PDE10A: variants seen among roughly 807,000 people sequenced by gnomAD.
The protein encoded by PDE10A is cAMP and cAMP-inhibited cGMP 3',5'-cyclic phosphodiesterase 10A.
In PDE10A, 39 loss-of-function variants were observed where a neutral mutation model predicts 97.7. The ratio of observed to expected loss-of-function variants is 0.40; its 90% CI spans 0.31 to 0.52. PDE10A has a LOEUF of 0.52. Among genes scored for constraint, PDE10A ranks in the 20% least tolerant of loss-of-function variants. The probability of loss-of-function intolerance (pLI) is 0.56; values close to 1 mark genes in which losing one functional copy is unlikely to be tolerated. For missense variants in PDE10A, 731 were observed against 1,047.8 expected (o/e 0.70, Z 4.17); for synonymous variants, 371 against 376.8 (o/e 0.98, Z 0.18).
rs1323010025 is a variant in PDE10A at position 165,987,816 on chromosome 6, G to T, written c.-902C>A. 1.1e-5 allele frequency: 5 copies of T among 438,310 alleles called. No individual in the cohort carries two copies. In the East Asian group the frequency reaches 3.6e-4, roughly 31 times the overall value. The allele number at this position is 438,310 out of a possible 1,614,324, so 27.2% of individuals were successfully genotyped here. The stretch of plus-strand genomic sequence containing the variant: ...CTTCTCGCAAAAGGCGAGTGTGTGG[G>T]GTTCCTCCTTCCCTCCTTTCCATCT... On this transcript the variant is annotated 5_prime_UTR_variant, in exon 1 of 20. Transcript: ENST00000366882.
chr6:165,516,572 C>A (rs16897954), intron 2 of PDE10A, among the ~76,000 whole-genome samples: 7,189 of 152,184 alleles, frequency 0.047, 347 homozygotes, highest in East Asian at 0.23. Flanking sequence ...ATCTGACACC[C>A]TCTCACATGT....
At chr6:165,398,621 T>C (rs1193253496) in intron 13 of PDE10A, among the ~76,000 whole-genome samples, 1 of 152,226 alleles carries the variant, frequency 6.6e-6, no homozygotes, top group Non-Finnish European at 1.5e-5. Flanking sequence ...TGTCAATCAG[T>C]TGACCCTGCA....
chr6:165,482,731 C>T (rs956044152), intron 2 of PDE10A, among the ~76,000 whole-genome samples: 3 of 152,152 alleles, frequency 2.0e-5, no homozygotes, highest in South Asian at 2.1e-4. Context: ...ACTCGTGCTT[C>T]GAAGGTTAGT....
At chr6:165,850,582 TTC>T (rs1332676022) in intron 1 of PDE10A, among the ~76,000 whole-genome samples, 1 of 152,138 alleles carries the variant, frequency 6.6e-6, no homozygotes, top group African/African-American at 2.4e-5. Context: ...GTAGGATCCA[TTC>T]TGTTTTACAA....
intron 1 of PDE10A, among the ~76,000 whole-genome samples, chr6:165,885,693 C>T (rs1781612453): frequency 3.9e-5 from 6 of 152,194 alleles, no homozygotes. Flanking sequence ...GTCTAAAGCT[C>T]CTGGGCAGAT....
intron 1 of PDE10A, among the ~76,000 whole-genome samples, chr6:165,867,595 C>T (rs1314081189): frequency 6.6e-6 from 1 of 152,116 alleles, no homozygotes; most frequent in Non-Finnish European, 1.5e-5. Context: ...TTCTACATCT[C>T]GCTCTCAGCA....
chr6:165,765,376 A>G (rs6456010), intron 1 of PDE10A, among the ~76,000 whole-genome samples: 2 of 137,352 alleles, frequency 1.5e-5, no homozygotes, highest in Non-Finnish European at 3.3e-5. Context: ...ACAGGAGCCC[A>G]CGGAGGCGGG....
intron 1 of PDE10A, chr6:165,660,016 G>A (rs1315355683): frequency 6.6e-6 from 1 of 152,282 alleles, no homozygotes; most frequent in African/African-American, 2.4e-5. Context: ...AGAGCAGCTT[G>A]TCACTGCAAG....
intron 2 of PDE10A, among the ~76,000 whole-genome samples, chr6:165,542,000 CCAT>C (rs1400671370): frequency 6.6e-6 from 1 of 152,122 alleles, no homozygotes; most frequent in Non-Finnish European, 1.5e-5. Context: ...ACTTCTAACA[CCAT>C]AACATTTTAA....
chr6:165,655,865 C>T lies in PDE10A; in HGVS notation c.865+6082G>A, dbSNP rs994213293. 6.6e-6 allele frequency among the ~76,000 whole-genome samples: 1 copy of T among 152,122 alleles called. No individual in the cohort carries two copies. The highest frequency in any genetic ancestry group is 2.1e-4 in the South Asian group (1 of 4,820). On this transcript the variant is annotated intron_variant, in intron 1 of 21. Transcript: ENST00000539869. The surrounding 1 kb of genome is among the most constrained non-coding windows in gnomAD (Gnocchi z 4.5). ...GGGCTCAGCTCCAGCACGGCCGTCA[C>T]CCCGCTCCTCTGCCTTGTGAGCCCC...
chr6:165,462,752 C>G (rs1778402709), intron 3 of PDE10A, among the ~76,000 whole-genome samples: 1 of 152,190 alleles, frequency 6.6e-6, no homozygotes, highest in Admixed American at 6.5e-5. Context: ...TTAATGGTAG[C>G]TATGATAGCA....
At chr6:165,619,241 G>GTGTAGTCTA (rs879730313) in intron 1 of PDE10A, among the ~76,000 whole-genome samples, 1 of 109,706 alleles carries the variant, frequency 9.1e-6, no homozygotes, top group Non-Finnish European at 1.8e-5. Context: ...AGACTAGTGT[G>GTGTAGTCTA]GTGTAGTGTA....
At chr6:165,530,441 A>C (rs2128314163) in intron 2 of PDE10A, among the ~76,000 whole-genome samples, 1 of 152,182 alleles carries the variant, frequency 6.6e-6, no homozygotes, top group Non-Finnish European at 1.5e-5. Context: ...CCAACAAGCG[A>C]AAAACAAATA....
rs1410617638 is a variant in PDE10A, at chr6:165,854,769, C to T, written c.-615+132760G>A. On this transcript the variant is annotated intron_variant, in intron 1 of 19. Transcript: ENST00000366882. Reference sequence around the variant, plus strand: ...GGGTCCGGGAGGAGGGCAGCTGCCCCGGGCAGAGCGACTGGAGGAGCGCAG... The same window carrying T: ...GGGTCCGGGAGGAGGGCAGCTGCCCTGGGCAGAGCGACTGGAGGAGCGCAG... Among the ~76,000 whole-genome samples, 3 of 152,292 alleles carry T rather than the reference C, an allele frequency of 2.0e-5. No individual in the cohort carries two copies. The South Asian group carries it at 6.2e-4, about 32-fold the overall frequency.
Position 165,448,881 on chromosome 6 carries a change from T to C in PDE10A, c.1194+47A>G, listed in dbSNP as rs369748244. 244 of 1,148,496 alleles carry C rather than the reference T, an allele frequency of 2.1e-4. 3 individuals carry two copies. The South Asian group carries it at 3.0e-3, about 14-fold the overall frequency. 71.1% of individuals were successfully genotyped at this position (1,148,496 alleles called of 1,614,324 possible). On this transcript the variant is annotated intron_variant, in intron 5 of 21. Transcript: ENST00000539869. The stretch of plus-strand genomic sequence containing the variant: ...TTTATAACTTTTTTAAAGGAGCTTA[T>C]GATATTTTCTTATCTAGAGCACCAA...
At chr6:165,705,970 C>G (rs1342812580) in intron 1 of PDE10A, among the ~76,000 whole-genome samples, 1 of 152,206 alleles carries the variant, frequency 6.6e-6, no homozygotes, top group Non-Finnish European at 1.5e-5. Flanking sequence ...GGGACAGTGA[C>G]ATGCACATCC....
At chr6:165,964,619 G>A (rs756067043) in intron 1 of PDE10A, among the ~76,000 whole-genome samples, 3 of 152,138 alleles carry the variant, frequency 2.0e-5, no homozygotes, top group Non-Finnish European at 4.4e-5. Context: ...ATGTGCCAGC[G>A]AGCGTCCTAG....
chr6:165,349,789 G>T (rs572164591), intron 18 of PDE10A, among the ~76,000 whole-genome samples: 2 of 152,290 alleles, frequency 1.3e-5, no homozygotes, highest in African/African-American at 4.8e-5. Flanking sequence ...CAGTGGTGAC[G>T]AAAAGGGGCC....
At chr6:165,985,410 A>G (rs1247779368) in intron 1 of PDE10A, among the ~76,000 whole-genome samples, 2 of 152,132 alleles carry the variant, frequency 1.3e-5, no homozygotes, top group African/African-American at 4.8e-5. Context: ...TTCCATCTTC[A>G]GTTTCTCATT....
Sources: allele counts gnomAD v4.1 joint callset (sites outside exome capture counted in the v4.1 genomes callset), GRCh38; gene constraint gnomAD v4.1.1; non-coding constraint Gnocchi (gnomAD v3.1); transcripts MANE v1.5; gene names NCBI Gene and HGNC (gene_info 2026-07-23, HGNC 2026-07-21).